TMEM26: variants seen among roughly 807,000 people sequenced by gnomAD.
TMEM26 encodes transmembrane protein 26.
In TMEM26, 38 loss-of-function variants were observed where a neutral mutation model predicts 28.8. That is an observed-to-expected ratio of 1.32 (90% CI 1.02 to 1.73). The LOEUF (loss-of-function observed/expected upper bound fraction) is 1.73. Among genes scored for constraint, TMEM26 ranks in the 40% most tolerant of loss-of-function variants. The pLI is 0.00. For missense variants in TMEM26, 518 were observed against 447.1 expected (o/e 1.16, Z -1.43); for synonymous variants, 227 against 182.9 (o/e 1.24, Z -1.95).
At chr10:61,445,682 T>G (rs1203864598) in intron 1 of TMEM26, among the ~76,000 whole-genome samples, 1 of 148,370 alleles carries the variant, frequency 6.7e-6, no homozygotes, top group Non-Finnish European at 1.5e-5. Context: ...TTAAATTTTT[T>G]TTTAAAAAAA....
At chr10:61,439,886 A>C (rs1419612929) in intron 1 of TMEM26, among the ~76,000 whole-genome samples, 2 of 152,160 alleles carry the variant, frequency 1.3e-5, no homozygotes, top group African/African-American at 4.8e-5. Context: ...CCCAATTAGG[A>C]GACTGTTTCT....
At chr10:61,434,304 C>T (rs986887759) in intron 2 of TMEM26, among the ~76,000 whole-genome samples, 1 of 152,076 alleles carries the variant, frequency 6.6e-6, no homozygotes, top group African/African-American at 2.4e-5. Flanking sequence ...AGCTACTGCT[C>T]GGGGCTCAAA....
chr10:61,421,476 G>T (rs868431839), intron 4 of TMEM26, among the ~76,000 whole-genome samples: 1 of 152,018 alleles, frequency 6.6e-6, no homozygotes, highest in African/African-American at 2.4e-5. Flanking sequence ...TTAGAAATAG[G>T]GTCTTGGTAG....
intron 4 of TMEM26, among the ~76,000 whole-genome samples, chr10:61,417,654 T>C (rs1839675542): frequency 6.6e-6 from 1 of 152,010 alleles, no homozygotes; most frequent in Admixed American, 6.6e-5. Flanking sequence ...CTCCTTTGTA[T>C]GGTCAAGTAT....
intron 1 of TMEM26, 24 bp from the exon 2 acceptor site, chr10:61,436,272 T>G: frequency 6.8e-7 from 1 of 1,467,110 alleles, no homozygotes. Flanking sequence ...GAAGAAAAAA[T>G]AGTTTAGCTA....
intron 1 of TMEM26, among the ~76,000 whole-genome samples, chr10:61,437,903 C>T (rs1159921191): frequency 1.3e-5 from 2 of 152,118 alleles, no homozygotes; most frequent in Non-Finnish European, 2.9e-5. Context: ...TTTTAATACG[C>T]AGCAATAGTT....
At position 61,431,235 on chromosome 10, in the gene TMEM26, T is replaced by C. The variant is rs1839916740; in HGVS notation, c.368A>G (p.Asp123Gly). Residue 123 changes from aspartate (D) to glycine (G), a missense_variant, in exon 3 of 6, where the codon GAT becomes GGT. Transcript: ENST00000399298. ...AGCTCTCACCGTCTCAATGAGATCA[T>C]CAGCTCTACTGGTTTGTTCATTGGA... ...LTSNEQTSRA[D>G]DLIETAKVFV... 2 of 1,612,856 alleles carry C rather than the reference T, an allele frequency of 1.2e-6. No homozygotes were observed. Among genetic ancestry groups the C allele is most frequent in the Non-Finnish European group, 1.7e-6 (2 of 1,179,066 alleles).
intron 4 of TMEM26, among the ~76,000 whole-genome samples, chr10:61,419,339 A>G (rs1302358627): frequency 6.6e-6 from 1 of 152,156 alleles, no homozygotes; most frequent in Non-Finnish European, 1.5e-5. Context: ...ACTGAGGTCC[A>G]GATATTGGAT....
At chr10:61,419,768 T>C (rs968998485) in intron 4 of TMEM26, among the ~76,000 whole-genome samples, 6 of 151,982 alleles carry the variant, frequency 3.9e-5, no homozygotes, top group Non-Finnish European at 7.4e-5. Flanking sequence ...AGAAAATATT[T>C]AGAGAAATAA....
chr10:61,431,395 A>G, intron 2 of TMEM26, 63 bp from the exon 3 acceptor site: 1 of 1,144,464 alleles, frequency 8.7e-7, no homozygotes, highest in Non-Finnish European at 1.3e-6. Flanking sequence ...TAGAGATCAA[A>G]ATGACTTAAA....
At chr10:61,441,214 C>A (rs1840087522) in intron 1 of TMEM26, among the ~76,000 whole-genome samples, 1 of 152,176 alleles carries the variant, frequency 6.6e-6, no homozygotes, top group African/African-American at 2.4e-5. Flanking sequence ...TCGCCACAAA[C>A]ATTTAGTGAT....
At chr10:61,429,434 T>C (rs1839886396) in intron 3 of TMEM26, among the ~76,000 whole-genome samples, 1 of 152,088 alleles carries the variant, frequency 6.6e-6, no homozygotes, top group African/African-American at 2.4e-5. Flanking sequence ...AATTTTACAA[T>C]GTTTTAATGT....
chr10:61,452,820 T>A (rs1249603899), intron 1 of TMEM26, 71 bp downstream of exon 1: 6 of 1,518,592 alleles, frequency 4.0e-6, no homozygotes, highest in Non-Finnish European at 4.5e-6. Flanking sequence ...TGCGGGAAGA[T>A]GGCCTGCGAG....
At chr10:61,441,205 C>T (rs559785369) in intron 1 of TMEM26, among the ~76,000 whole-genome samples, 3 of 152,008 alleles carry the variant, frequency 2.0e-5, no homozygotes, top group Non-Finnish European at 4.4e-5. Context: ...GTGATGAGCT[C>T]GCCACAAACA....
At chr10:61,416,543 A>G (rs761092564) in intron 4 of TMEM26, among the ~76,000 whole-genome samples, 1 of 152,078 alleles carries the variant, frequency 6.6e-6, no homozygotes, top group Non-Finnish European at 1.5e-5. Context: ...TTAGAACAGC[A>G]TGTGACACAA....
At chr10:61,425,253 C>A (rs1343761936) in intron 4 of TMEM26, among the ~76,000 whole-genome samples, 1 of 152,168 alleles carries the variant, frequency 6.6e-6, no homozygotes, top group Non-Finnish European at 1.5e-5. Flanking sequence ...TCCCGTAACT[C>A]AGTCACCTCC....
chr10:61,450,767 AT>A lies in TMEM26; in HGVS notation c.191+2123del, dbSNP rs575052086. On this transcript the variant is annotated intron_variant, in intron 1 of 5. Coordinates refer to ENST00000399298, the MANE Select transcript of TMEM26 (RefSeq NM_178505.8). ...CTGTTCTTCCAAAATAAAGGTGAGA[AT>A]TTTTTTTTTGACGTTTTTGCCTGGA... Among the ~76,000 whole-genome samples the A allele has an allele frequency of 2.0e-4, 30 of 150,156 alleles. 1 individual carries two copies. The highest frequency in any genetic ancestry group is 4.2e-4 in the African/African-American group (17 of 40,952).
chr10:61,416,158 G>T, intron 4 of TMEM26: 1 of 435,834 alleles, frequency 2.3e-6, no homozygotes, highest in South Asian at 1.7e-5. Context: ...TTTTCACAAG[G>T]TTTTTTCAAT....
At chr10:61,421,949 A>G (rs1306629643) in intron 4 of TMEM26, among the ~76,000 whole-genome samples, 2 of 152,140 alleles carry the variant, frequency 1.3e-5, no homozygotes, top group African/African-American at 2.4e-5. Flanking sequence ...ATATATATAT[A>G]TAATTTGAAA....
Sources: gnomAD v4.1 joint callset for allele counts (sites outside exome capture counted in the v4.1 genomes callset) on GRCh38, gnomAD v4.1.1 for gene constraint, MANE v1.5 for transcripts, NCBI Gene and HGNC (gene_info 2026-07-23, HGNC 2026-07-21) for gene names.